Variants in GPR158 observed in about 807,000 individuals in gnomAD.
GPR158 encodes metabotropic glycine receptor.
Under a neutral mutation model 78.2 loss-of-function variants are expected in GPR158, and 30 were observed. The observed-to-expected ratio is 0.38, with a 90% CI of 0.29 to 0.52. The LOEUF is 0.52. Ranked by LOEUF, GPR158 falls within the 20% of genes least tolerant of loss-of-function variation. The pLI, the probability that GPR158 is intolerant of heterozygous loss-of-function variation, is 0.83. For synonymous variants in GPR158, 581 were observed against 591.1 expected (o/e 0.98, Z 0.25); for missense variants, 1,463 against 1,523.5 (o/e 0.96, Z 0.66).
intron 2 of GPR158, among the ~76,000 whole-genome samples, chr10:25,299,254 C>T (rs1187679875): frequency 6.6e-6 from 1 of 151,974 alleles, no homozygotes; most frequent in East Asian, 1.9e-4. Context: ...GGTAAGGGCA[C>T]CTAAAATGTA....
At chr10:25,179,704 G>A (rs1852590354) in intron 1 of GPR158, among the ~76,000 whole-genome samples, 1 of 151,810 alleles carries the variant, frequency 6.6e-6, no homozygotes, top group Non-Finnish European at 1.5e-5. Context: ...CTCATTTTTT[G>A]TCTTTGAAAA....
At chr10:25,241,262 T>TCTTTC (rs1479682126) in intron 2 of GPR158, among the ~76,000 whole-genome samples, 2,374 of 117,204 alleles carry the variant, frequency 0.02, 151 homozygotes, top group East Asian at 0.083. Flanking sequence ...TTCTTTCCTT[T>TCTTTC]CTTTCTTTCC....
At chr10:25,192,508 C>A (rs928968364) in intron 1 of GPR158, among the ~76,000 whole-genome samples, 6 of 152,076 alleles carry the variant, frequency 3.9e-5, no homozygotes, top group Non-Finnish European at 5.9e-5. Context: ...CCAAGAATTT[C>A]CACTTTCACT....
intron 4 of GPR158, among the ~76,000 whole-genome samples, chr10:25,431,083 A>G (rs1834897019): frequency 7.1e-6 from 1 of 141,734 alleles, no homozygotes; most frequent in East Asian, 2.0e-4. Flanking sequence ...GCAACCTACT[A>G]AATGGGAGAA....
chr10:25,528,336 GATAT>G (rs1836377847), intron 5 of GPR158, among the ~76,000 whole-genome samples: 1 of 151,648 alleles, frequency 6.6e-6, no homozygotes, highest in Admixed American at 6.6e-5. Context: ...TATATATATA[GATAT>G]ATAGAGAGAG....
intron 8 of GPR158, among the ~76,000 whole-genome samples, chr10:25,593,149 A>C (rs1428040941): frequency 6.6e-6 from 1 of 151,968 alleles, no homozygotes; most frequent in Non-Finnish European, 1.5e-5. Context: ...ATCTCTAGAC[A>C]CAAGGGAAAA....
intron 4 of GPR158, among the ~76,000 whole-genome samples, chr10:25,461,764 G>T (rs1835361119): frequency 1.5e-5 from 2 of 131,732 alleles, no homozygotes; most frequent in Admixed American, 8.3e-5. Context: ...ATGGAGTCTT[G>T]CTCTGTTGCC....
Position 25,433,420 on chromosome 10 carries a change from G to A in GPR158, c.1335+20947G>A, listed in dbSNP as rs1834939905. Among the ~76,000 whole-genome samples, 3 of 152,030 alleles carry A rather than the reference G, an allele frequency of 2.0e-5. No individual in the cohort carries two copies. In the South Asian group the frequency reaches 6.2e-4, roughly 32 times the overall value. On this transcript the variant is annotated intron_variant, in intron 4 of 10. Coordinates refer to ENST00000376351, the MANE Select transcript of GPR158 (RefSeq NM_020752.3). ...AGTTCTTCCATAGCACCAGTTTAATGGTTTTATATGTTCCTTGGCCCTGCT... is the reference window on the plus strand; with the variant it reads ...AGTTCTTCCATAGCACCAGTTTAATAGTTTTATATGTTCCTTGGCCCTGCT...
chr10:25,330,284 T>A (rs1588802981), intron 2 of GPR158, among the ~76,000 whole-genome samples: 1 of 152,180 alleles, frequency 6.6e-6, no homozygotes, highest in East Asian at 1.9e-4. Context: ...CCCCTCTTTT[T>A]ATAATTGTCC....
intron 5 of GPR158, among the ~76,000 whole-genome samples, chr10:25,547,976 C>A (rs1415847383): frequency 6.6e-6 from 1 of 152,036 alleles, no homozygotes; most frequent in African/African-American, 2.4e-5. Flanking sequence ...TTTTTGAAGA[C>A]CTAATCCACA....
chr10:25,405,731 T>G (rs189030545), intron 3 of GPR158, among the ~76,000 whole-genome samples: 1 of 151,980 alleles, frequency 6.6e-6, no homozygotes, highest in African/African-American at 2.4e-5. Context: ...TGGAAGAAAT[T>G]TATTTCATTC....
intron 1 of GPR158, among the ~76,000 whole-genome samples, chr10:25,217,876 T>C (rs949975666): frequency 6.6e-6 from 1 of 152,154 alleles, no homozygotes; most frequent in South Asian, 2.1e-4. Context: ...GGAGGCCACT[T>C]ACACGCTTTT....
chr10:25,283,404 T>C (rs539848903), intron 2 of GPR158, among the ~76,000 whole-genome samples: 3 of 152,192 alleles, frequency 2.0e-5, no homozygotes, highest in South Asian at 2.1e-4. Flanking sequence ...TAGAAATTTA[T>C]TAAACCATTT....
intron 6 of GPR158, among the ~76,000 whole-genome samples, chr10:25,566,800 G>A (rs1462839251): frequency 1.5e-5 from 2 of 132,024 alleles, no homozygotes; most frequent in South Asian, 2.4e-4. Flanking sequence ...TGACCAAGAA[G>A]TAACTTTACT....
intron 5 of GPR158, among the ~76,000 whole-genome samples, chr10:25,483,477 A>C (rs974646399): frequency 6.6e-6 from 1 of 152,034 alleles, no homozygotes; most frequent in African/African-American, 2.4e-5. Context: ...AGTACTTCTG[A>C]TCTCTCTCAT....
intron 5 of GPR158, among the ~76,000 whole-genome samples, chr10:25,515,020 C>T (rs1445824179): frequency 1.3e-5 from 2 of 151,996 alleles, no homozygotes; most frequent in East Asian, 3.9e-4. Context: ...TGATAAATTT[C>T]CCAGGTGTTC....
chr10:25,505,777 T>C (rs1836005351), intron 5 of GPR158, among the ~76,000 whole-genome samples: 1 of 152,178 alleles, frequency 6.6e-6, no homozygotes, highest in Non-Finnish European at 1.5e-5. Flanking sequence ...CTCTTGTATG[T>C]GCCTCATGCA....
intron 3 of GPR158, among the ~76,000 whole-genome samples, chr10:25,398,150 T>A (rs983995976): frequency 4.6e-5 from 7 of 152,200 alleles, no homozygotes; most frequent in Admixed American, 4.6e-4. Flanking sequence ...AAAACCTTGA[T>A]TTCAGCCTGG....
intron 5 of GPR158, among the ~76,000 whole-genome samples, chr10:25,469,756 C>T (rs1458538155): frequency 1.4e-5 from 2 of 138,940 alleles, no homozygotes; most frequent in Non-Finnish European, 3.0e-5. Flanking sequence ...TGCATTCCAG[C>T]CTGGGCAACA....
Sources: gnomAD v4.1 joint callset for allele counts (sites outside exome capture counted in the v4.1 genomes callset) on GRCh38, gnomAD v4.1.1 for gene constraint, MANE v1.5 for transcripts, NCBI Gene and HGNC (gene_info 2026-07-23, HGNC 2026-07-21) for gene names.